APP: variants seen among roughly 807,000 people sequenced by gnomAD.
The protein encoded by APP is amyloid beta precursor protein, also known as amyloid-beta precursor protein.
In APP, 31 loss-of-function variants were observed where a neutral mutation model predicts 101.4. That is an observed-to-expected ratio of 0.31 (90% confidence interval 0.23 to 0.41). APP has a LOEUF of 0.41. APP is among the 10% of genes least tolerant of loss of function. The pLI is 1.00. For missense variants in APP, 839 were observed against 1,003.7 expected (o/e 0.84, Z 2.22); for synonymous variants, 366 against 364.4 (o/e 1.00, Z -0.05).
intron 6 of APP, 120 bp downstream of exon 6, chr21:26,021,719 TG>T: frequency 7.1e-7 from 1 of 1,405,450 alleles, no homozygotes; most frequent in Non-Finnish European, 9.6e-7. Flanking sequence ...AGAAGCCTTT[TG>T]GAAAAAAAAA....
intron 13 of APP, among the ~76,000 whole-genome samples, chr21:25,927,908 T>C (rs2039969005): frequency 6.6e-6 from 1 of 152,166 alleles, no homozygotes; most frequent in South Asian, 2.1e-4. Context: ...CCAGCCAGGC[T>C]CCCTGGCATC....
intron 2 of APP, among the ~76,000 whole-genome samples, chr21:26,099,776 C>T (rs893051784): frequency 2.0e-5 from 3 of 152,154 alleles, no homozygotes; most frequent in South Asian, 2.1e-4. Context: ...CTTAATGAGG[C>T]GCTGAGAGGC....
chr21:25,957,492 C>T (rs1299655990), intron 11 of APP, among the ~76,000 whole-genome samples: 2 of 152,094 alleles, frequency 1.3e-5, no homozygotes, highest in Non-Finnish European at 2.9e-5. Flanking sequence ...TTATTAAGCA[C>T]CAAGGTCTTA....
chr21:26,053,428 G>C, intron 3 of APP, 80 bp from the exon 4 acceptor site: 1 of 1,051,510 alleles, frequency 9.5e-7, no homozygotes, highest in Non-Finnish European at 1.5e-6. Context: ...AGGAAAGATA[G>C]ACTTCAAGAC....
chr21:26,108,439 T>C (rs563877697), intron 2 of APP, among the ~76,000 whole-genome samples: 48 of 152,208 alleles, frequency 3.2e-4, no homozygotes, highest in African/African-American at 1.1e-3. Flanking sequence ...AACAACCACA[T>C]AGGGCCAGTG....
At chr21:25,977,663 A>G (rs1212029146) in intron 9 of APP, among the ~76,000 whole-genome samples, 1 of 152,240 alleles carries the variant, frequency 6.6e-6, no homozygotes, top group African/African-American at 2.4e-5. Context: ...ACCATGGAGG[A>G]AACAAGATGG....
chr21:26,072,377 T>G (rs188717131), intron 3 of APP, among the ~76,000 whole-genome samples: 38 of 152,318 alleles, frequency 2.5e-4, no homozygotes, highest in Middle Eastern at 3.4e-3. Context: ...AGTTATAAAT[T>G]TTGGTACAAC....
intron 11 of APP, among the ~76,000 whole-genome samples, chr21:25,961,832 T>C (rs543385199): frequency 1.5e-3 from 222 of 152,342 alleles, no homozygotes; most frequent in Middle Eastern, 6.8e-3. Flanking sequence ...AGACGGGTTA[T>C]TCATATGATC....
At position 26,059,612 on chromosome 21, in the gene APP, C is replaced by T. The variant is rs139865640; in HGVS notation, c.356-6264G>A. Among the ~76,000 whole-genome samples the T allele has an allele frequency of 1.1e-4, 17 of 152,190 alleles. No homozygotes were observed. The East Asian group carries it at 2.7e-3, about 24-fold the overall frequency. ...TCACTTTATAAGAGAAGGCAAGGGC[C>T]GGGCACAGTGGCTCAAGTCTGTAAT... On this transcript the variant is annotated intron_variant, in intron 3 of 17. Coordinates refer to ENST00000346798, the MANE Select transcript of APP (RefSeq NM_000484.4).
chr21:26,140,041 T>C lies in APP; in HGVS notation c.58-27895A>G, dbSNP rs2063006786. 10 of 840,430 alleles carry C rather than the reference T, an allele frequency of 1.2e-5. No individual in the cohort carries two copies. The East Asian group carries it at 2.7e-4, about 22-fold the overall frequency. 52.1% of individuals were successfully genotyped at this position (840,430 alleles called of 1,614,324 possible). ...TAATTTGCAAACTTCATCCCTACTT[T>C]GGTCACAATAAGTAACATTGTACTT... On this transcript the variant is annotated intron_variant, in intron 1 of 17. Transcript: ENST00000346798.
chr21:25,895,798 T>C (rs972437091), intron 16 of APP, among the ~76,000 whole-genome samples: 1 of 152,242 alleles, frequency 6.6e-6, no homozygotes. Context: ...AAATCATTAA[T>C]TAGCTAATAT....
chr21:25,954,974 A>G (rs547874336), intron 12 of APP, among the ~76,000 whole-genome samples: 2 of 150,926 alleles, frequency 1.3e-5, no homozygotes, highest in African/African-American at 2.4e-5. Flanking sequence ...GAAACTTACC[A>G]TTATCTTGTA....
At chr21:25,973,550 C>A (rs1169088232) in intron 11 of APP, among the ~76,000 whole-genome samples, 1 of 152,142 alleles carries the variant, frequency 6.6e-6, no homozygotes, top group African/African-American at 2.4e-5. Context: ...AACACAGCCT[C>A]AAACTATACA....
intron 13 of APP, among the ~76,000 whole-genome samples, chr21:25,918,574 G>A (rs1048138358): frequency 4.4e-4 from 67 of 152,070 alleles, no homozygotes; most frequent in Non-Finnish European, 8.5e-4. Context: ...CCTGGGAAGC[G>A]CAAGGGGTCA....
chr21:26,159,086 ATT>A (rs879450285), intron 1 of APP, among the ~76,000 whole-genome samples: 2 of 147,276 alleles, frequency 1.4e-5, no homozygotes, highest in African/African-American at 2.5e-5. Context: ...AAGATAGTAA[ATT>A]TTTTTTTTTT....
intron 1 of APP, among the ~76,000 whole-genome samples, chr21:26,139,278 T>A (rs1391643586): frequency 6.6e-6 from 1 of 152,200 alleles, no homozygotes; most frequent in East Asian, 1.9e-4. Flanking sequence ...ATGTACATTA[T>A]CGTGTGCATA....
chr21:25,900,339 C>G (rs997862246), intron 15 of APP, among the ~76,000 whole-genome samples: 1 of 133,706 alleles, frequency 7.5e-6, no homozygotes, highest in African/African-American at 2.8e-5. Flanking sequence ...TTGAGACCAG[C>G]CTGGTCAACA....
At chr21:25,943,449 CTT>C (rs769731298) in intron 13 of APP, among the ~76,000 whole-genome samples, 1 of 109,212 alleles carries the variant, frequency 9.2e-6, no homozygotes, top group Non-Finnish European at 2.0e-5. Flanking sequence ...CCGCACCCAG[CTT>C]TTTTTTTTTT....
intron 3 of APP, among the ~76,000 whole-genome samples, chr21:26,062,786 A>T (rs761045300): frequency 1.1e-4 from 16 of 152,024 alleles, no homozygotes; most frequent in Admixed American, 5.2e-4. Context: ...TTTTTAAGAA[A>T]GAGTCTTACT....
Sources: allele counts gnomAD v4.1 joint callset (sites outside exome capture counted in the v4.1 genomes callset), GRCh38; gene constraint gnomAD v4.1.1; transcripts MANE v1.5; gene names NCBI Gene and HGNC (gene_info 2026-07-23, HGNC 2026-07-21).